Variants in MYO5C observed in about 807,000 individuals in gnomAD.
MYO5C encodes unconventional myosin-Vc.
Under a neutral mutation model 235.7 loss-of-function variants are expected in MYO5C, and 194 were observed. That is an observed-to-expected ratio of 0.82 (90% CI 0.73 to 0.93). The LOEUF (loss-of-function observed/expected upper bound fraction) is 0.93. MYO5C is among the 40% of genes least tolerant of loss of function. The pLI is 0.00. For missense variants in MYO5C, 2,038 were observed against 2,127.2 expected (o/e 0.96, Z 0.82); for synonymous variants, 707 against 754.8 (o/e 0.94, Z 1.04).
At chr15:52,285,005 T>G (rs1051870627) in intron 1 of MYO5C, among the ~76,000 whole-genome samples, 6 of 152,078 alleles carry the variant, frequency 3.9e-5, no homozygotes, top group Admixed American at 6.5e-5. Context: ...ATGCCTGACC[T>G]GTAAAGTTCT....
At chr15:52,225,318 A>G (rs1384784929) in intron 26 of MYO5C, 121 bp downstream of exon 26, 10 of 1,068,650 alleles carry the variant, frequency 9.4e-6, no homozygotes, top group African/African-American at 9.3e-5. Context: ...CAACCTATCA[A>G]CTAAGCAATC....
intron 24 of MYO5C, among the ~76,000 whole-genome samples, chr15:52,230,612 G>C (rs899711107): frequency 6.6e-6 from 1 of 152,086 alleles, no homozygotes; most frequent in Non-Finnish European, 1.5e-5. Context: ...GTTTTGCCAT[G>C]TTGGCCAGAC....
intron 8 of MYO5C, among the ~76,000 whole-genome samples, chr15:52,267,649 G>A (rs576206756): frequency 3.9e-5 from 6 of 152,282 alleles, no homozygotes; most frequent in South Asian, 2.1e-4. Context: ...CTGCACCATT[G>A]TACCCCAGCC....
Position 52,205,159 on chromosome 15 carries a change from C to G in MYO5C, c.4538-12G>C. On this transcript the variant is annotated splice_polypyrimidine_tract_variant and intron_variant, in intron 37 of 40. Coordinates refer to ENST00000261839, the MANE Select transcript of MYO5C (RefSeq NM_018728.4). ...CAGCATTCCCGGAACTGCGGAGAGA[C>G]AGGGAGGCTGTGCTGACACGCCAGG... 1 of 1,611,676 alleles carries G rather than the reference C, an allele frequency of 6.2e-7. No individual in the cohort carries two copies. Among genetic ancestry groups the G allele is most frequent in the Non-Finnish European group, 8.5e-7 (1 of 1,178,560 alleles).
chr15:52,248,841 C>T, intron 13 of MYO5C, 58 bp from the exon 14 acceptor site: 1 of 1,130,344 alleles, frequency 8.8e-7, no homozygotes, highest in Non-Finnish European at 1.3e-6. Flanking sequence ...AGCCTCTAAG[C>T]ACAAGTTTCA....
intron 34 of MYO5C, 32 bp downstream of exon 34, chr15:52,213,154 GAA>G (rs1287797093): frequency 6.4e-7 from 1 of 1,567,560 alleles, no homozygotes; most frequent in South Asian, 1.1e-5. Context: ...TTCTCAAAGA[GAA>G]AGCAAAAATC....
intron 2 of MYO5C, among the ~76,000 whole-genome samples, chr15:52,281,866 T>C (rs2037168456): frequency 6.6e-6 from 1 of 152,216 alleles, no homozygotes; most frequent in Non-Finnish European, 1.5e-5. Context: ...GCTTTGTCAA[T>C]TAATCCTCAC....
intron 38 of MYO5C, among the ~76,000 whole-genome samples, chr15:52,199,366 C>T (rs2035131519): frequency 1.3e-5 from 2 of 152,162 alleles, no homozygotes; most frequent in Admixed American, 1.3e-4. Flanking sequence ...GGAGTAACCA[C>T]ACTCCATCTT....
Position 52,279,656 on chromosome 15 carries a change from T to A in MYO5C, c.157A>T (p.Asn53Tyr). ...EDGTELDYSV[N>Y]PESLPPLRNP... ...CGAAGTGGAGGCAGAGATTCTGGAT[T>A]GACAGAATAATCCAGCTCCTATGGA... is the stretch of plus-strand genomic sequence containing the variant. The change falls in exon 3 of 41, where the codon AAT becomes TAT. Residue 53 changes from asparagine to tyrosine, a missense_variant. Asn to Tyr is a moderately radical substitution (Grantham distance 143, BLOSUM62 -2). Coordinates refer to ENST00000261839, the MANE Select transcript of MYO5C (RefSeq NM_018728.4). The A allele has an allele frequency of 6.2e-7, 1 of 1,613,176 alleles. No individual in the cohort carries two copies.
At position 52,225,120 on chromosome 15, in the gene MYO5C, G is replaced by A. The variant is rs1180545858; in HGVS notation, c.3320C>T (p.Thr1107Ile). 6 of 1,613,902 alleles carry A rather than the reference G, an allele frequency of 3.7e-6. No individual in the cohort carries two copies. The highest frequency in any genetic ancestry group is 4.2e-6 in the Non-Finnish European group (5 of 1,179,980). Residue 1107 changes from threonine to isoleucine, a missense_variant, in exon 27 of 41, where the codon ACC (threonine) becomes ATC (isoleucine). Transcript: ENST00000261839. ...REMREKMSEITKQLLESYDIE... is the reference protein window; with the variant it reads ...REMREKMSEIIKQLLESYDIE... ...GTCATAGCTTTCGAGAAGTTGTTTG[G>A]TGATCTCTGACATCTTTTCTGAAAG...
At chr15:52,256,756 G>C (rs891380074) in intron 10 of MYO5C, 36 bp from the exon 11 acceptor site, 1 of 1,490,038 alleles carries the variant, frequency 6.7e-7, no homozygotes, top group Admixed American at 1.7e-5. Context: ...AATATAACCT[G>C]AAGCAAGACA....
Position 52,235,710 on chromosome 15 carries a change from T to C in MYO5C, c.2922A>G (p.Gln974=), listed in dbSNP as rs748154740. The C allele has an allele frequency of 6.2e-7, 1 of 1,612,914 alleles. No individual in the cohort carries two copies. Among genetic ancestry groups the C allele is most frequent in the Non-Finnish European group, 8.5e-7 (1 of 1,179,370 alleles). The part of the protein sequence containing the change: ...HNSELETQKE[Q]IQLKLQEKTE... ...TCTTCTCTTGAAGCTTCAGCTGTAT[T>C]TGTTCTTTCTGTGTTTCCAGTTCTG... is the stretch of plus-strand genomic sequence containing the variant. The change falls in exon 23 of 41, where the codon CAA becomes CAG. Residue 974 remains glutamine, a synonymous_variant. Coordinates refer to ENST00000261839, the MANE Select transcript of MYO5C (RefSeq NM_018728.4).
chr15:52,239,993 C>T, intron 20 of MYO5C, 114 bp from the exon 21 acceptor site: 1 of 1,085,434 alleles, frequency 9.2e-7, no homozygotes, highest in South Asian at 1.6e-5. Context: ...TTCTTCTTGT[C>T]AACCTGCACA....
rs2035434989 is a variant in MYO5C at position 52,211,205 on chromosome 15, A to G, written c.4296+525T>C. 2.0e-5 allele frequency among the ~76,000 whole-genome samples: 3 copies of G among 152,162 alleles called. No individual in the cohort carries two copies. In the South Asian group the frequency reaches 6.2e-4, roughly 32 times the overall value. On this transcript the variant is annotated intron_variant, in intron 35 of 40. Transcript: ENST00000261839. ...CGCTATCAGCAAAGAAAAATCCTCC[A>G]TCTTCTTTAAGACACTGTATATTGG...
At chr15:52,277,827 AG>A in intron 4 of MYO5C, 1 of 454,882 alleles carries the variant, frequency 2.2e-6, no homozygotes, top group South Asian at 1.6e-5. Flanking sequence ...TGTGCAGGAA[AG>A]CAGCACGTGT....
chr15:52,267,825 G>A (rs889930780), intron 8 of MYO5C, among the ~76,000 whole-genome samples: 3 of 152,138 alleles, frequency 2.0e-5, no homozygotes, highest in African/African-American at 7.2e-5. Context: ...AATAGAGGTG[G>A]GAGAGAGTAG....
At position 52,193,008 on chromosome 15, in the gene MYO5C, G is replaced by A. The variant is rs2034966568; in HGVS notation, c.*894C>T. 6.6e-6 allele frequency: 1 copy of A among 152,052 alleles called. No homozygotes were observed. The highest frequency in any genetic ancestry group is 1.5e-5 in the Non-Finnish European group (1 of 67,988). 9.4% of individuals were successfully genotyped at this position (152,052 alleles called of 1,614,324 possible). ...TACTTCAAATGATTCATCTCGGATT[G>A]AACACTCTTAAAAATTAAAAGGGTC... is the stretch of plus-strand genomic sequence containing the variant. On this transcript the variant is annotated 3_prime_UTR_variant, in exon 41 of 41. Coordinates refer to ENST00000261839, the MANE Select transcript of MYO5C (RefSeq NM_018728.4).
chr15:52,245,016 G>A (rs190698978), intron 18 of MYO5C, among the ~76,000 whole-genome samples: 129 of 152,308 alleles, frequency 8.5e-4, no homozygotes, highest in Non-Finnish European at 1.3e-3. Context: ...TCCACACAAG[G>A]CACCATGCCT....
At chr15:52,295,034 A>C (rs2037469156) in intron 1 of MYO5C, among the ~76,000 whole-genome samples, 1 of 152,190 alleles carries the variant, frequency 6.6e-6, no homozygotes, top group South Asian at 2.1e-4. Context: ...GCTTCTGATG[A>C]GCCTACATGC....
Sources: gnomAD v4.1 joint callset for allele counts (sites outside exome capture counted in the v4.1 genomes callset) on GRCh38, gnomAD v4.1.1 for gene constraint, MANE v1.5 for transcripts, NCBI Gene and HGNC (gene_info 2026-07-23, HGNC 2026-07-21) for gene names.